Variants in SPPL2A observed in about 807,000 individuals in gnomAD.
SPPL2A encodes the protein signal peptide peptidase like 2A, also known as signal peptide peptidase-like 2A.
SPPL2A carries 51 observed loss-of-function variants against 63.8 expected under a neutral mutation model. That is an observed-to-expected ratio of 0.80 (90% CI 0.64 to 1.01). The LOEUF (loss-of-function observed/expected upper bound fraction) is 1.01, where lower values mean the gene tolerates loss of function less well. Ranked by LOEUF, SPPL2A falls within the 50% of genes least tolerant of loss-of-function variation. The pLI, the probability that SPPL2A is intolerant of heterozygous loss-of-function variation, is 0.00. For missense variants in SPPL2A, 553 were observed against 622.7 expected (o/e 0.89, Z 1.19); for synonymous variants, 188 against 205.8 (o/e 0.91, Z 0.74).
At chr15:50,740,204 G>A (rs957221473) in intron 5 of SPPL2A, among the ~76,000 whole-genome samples, 4 of 151,682 alleles carry the variant, frequency 2.6e-5, no homozygotes, top group East Asian at 3.9e-4. Context: ...TGAGGCGGGC[G>A]GATCATGAGG....
At chr15:50,722,037 C>G in intron 13 of SPPL2A, 87 bp downstream of exon 13, 1 of 757,250 alleles carries the variant, frequency 1.3e-6, no homozygotes, top group Non-Finnish European at 2.3e-6. Flanking sequence ...CATGCCCAAA[C>G]TGTACTCCTT....
At chr15:50,732,527 G>A in intron 9 of SPPL2A, 76 bp downstream of exon 9, 1 of 850,870 alleles carries the variant, frequency 1.2e-6, no homozygotes, top group South Asian at 1.7e-5. Flanking sequence ...GCATTTAATT[G>A]TAGGTAAATT....
intron 14 of SPPL2A, among the ~76,000 whole-genome samples, chr15:50,712,860 A>G (rs1447478331): frequency 6.6e-6 from 1 of 151,530 alleles, no homozygotes; most frequent in Non-Finnish European, 1.5e-5. Flanking sequence ...TAATTTTTGT[A>G]TTTTTAATAG....
At chr15:50,746,069 A>G (rs1596393068) in intron 5 of SPPL2A, among the ~76,000 whole-genome samples, 1 of 151,820 alleles carries the variant, frequency 6.6e-6, no homozygotes, top group East Asian at 1.9e-4. Flanking sequence ...ATATATAAAT[A>G]TATAATTTTT....
Position 50,705,880 on chromosome 15 carries a change from T to TA in SPPL2A, c.*1919dup. 6.6e-6 allele frequency: 1 copy of TA among 152,346 alleles called. No homozygotes were observed. Among genetic ancestry groups the TA allele is most frequent in the Non-Finnish European group, 1.5e-5 (1 of 68,034 alleles). The allele number at this position is 152,346 out of a possible 1,614,324, so 9.4% of individuals were successfully genotyped here. A position where few individuals can be genotyped will look rare whatever the true frequency, so the allele number is the denominator to read the frequency against. ...CTGTTCACATATTTTATACATTATT[T>TA]ACAGAGAAATGAAAAATCCTGCTGC... On this transcript the variant is annotated 3_prime_UTR_variant, in exon 15 of 15. Coordinates refer to ENST00000261854, the MANE Select transcript of SPPL2A (RefSeq NM_032802.4).
intron 1 of SPPL2A, among the ~76,000 whole-genome samples, chr15:50,750,699 G>C (rs2062899053): frequency 6.6e-6 from 1 of 152,218 alleles, no homozygotes; most frequent in Non-Finnish European, 1.5e-5. Flanking sequence ...CCTGGGGGGA[G>C]AGGAGAGTAT....
At chr15:50,748,067 G>C (rs763123958) in intron 4 of SPPL2A, 46 bp downstream of exon 4, 2 of 745,194 alleles carry the variant, frequency 2.7e-6, no homozygotes, top group South Asian at 2.6e-5. Context: ...AAAATAAAGA[G>C]ATACAGTATT....
intron 6 of SPPL2A, 27 bp from the exon 7 acceptor site, chr15:50,736,767 A>C: frequency 8.9e-7 from 1 of 1,117,934 alleles, no homozygotes; most frequent in Non-Finnish European, 1.4e-6. Context: ...ACTAAATTAC[A>C]TGAGAACAGA....
At chr15:50,757,945 C>T (rs1196607870) in intron 1 of SPPL2A, among the ~76,000 whole-genome samples, 1 of 149,112 alleles carries the variant, frequency 6.7e-6, no homozygotes, top group African/African-American at 2.5e-5. Context: ...GATCGAGCCA[C>T]TGCGCTCCAG....
At chr15:50,713,162 A>G (rs2062572935) in intron 14 of SPPL2A, among the ~76,000 whole-genome samples, 1 of 152,174 alleles carries the variant, frequency 6.6e-6, no homozygotes, top group Non-Finnish European at 1.5e-5. Context: ...TGTTGGACAT[A>G]AACAATGAGA....
intron 1 of SPPL2A, among the ~76,000 whole-genome samples, chr15:50,760,214 C>A (rs901743554): frequency 6.6e-6 from 1 of 152,016 alleles, no homozygotes; most frequent in Admixed American, 6.6e-5. Flanking sequence ...TACCTTCTCA[C>A]TGTGTCCTCA....
Position 50,765,579 on chromosome 15 carries a change from ACT to A in SPPL2A, c.-48_-47del, listed in dbSNP as rs1338733826. ...GGGACGGCACGGTGCGGCGCAGCTC[ACT>A]CGGCGGGGTAGGCTCGGAGTCCCGC... is the stretch of plus-strand genomic sequence containing the variant. On this transcript the variant is annotated 5_prime_UTR_variant, in exon 1 of 15. Coordinates refer to ENST00000261854, the MANE Select transcript of SPPL2A (RefSeq NM_032802.4). The A allele has an allele frequency of 1.5e-6, 2 of 1,302,296 alleles. No homozygotes were observed. The highest frequency in any genetic ancestry group is 3.1e-5 in the African/African-American group (2 of 64,604). 80.7% of individuals were successfully genotyped at this position (1,302,296 alleles called of 1,614,324 possible).
chr15:50,728,684 C>T (rs1048244974), intron 10 of SPPL2A, among the ~76,000 whole-genome samples: 1 of 151,936 alleles, frequency 6.6e-6, no homozygotes, highest in African/African-American at 2.4e-5. Context: ...CACTCTGTTG[C>T]CCAGGCTGGA....
At chr15:50,715,505 C>T (rs1884238453) in intron 14 of SPPL2A, among the ~76,000 whole-genome samples, 2 of 146,498 alleles carry the variant, frequency 1.4e-5, no homozygotes, top group South Asian at 4.3e-4. Flanking sequence ...TTTATGTATA[C>T]AACAACTCTA....
chr15:50,735,973 T>C, intron 8 of SPPL2A, 128 bp downstream of exon 8: 1 of 590,068 alleles, frequency 1.7e-6, no homozygotes, highest in Non-Finnish European at 3.0e-6. Flanking sequence ...ATTTAAGAAG[T>C]AGTTCATTAC....
At chr15:50,734,891 T>TTCTC (rs1027042930) in intron 8 of SPPL2A, among the ~76,000 whole-genome samples, 1 of 152,034 alleles carries the variant, frequency 6.6e-6, no homozygotes, top group Non-Finnish European at 1.5e-5. Context: ...ATAGAGTATA[T>TTCTC]TCTCTCTCTC....
In SPPL2A at chr15:50,707,110, A is replaced by G. The variant is rs1335848356; in HGVS notation, c.*690T>C. ...TTAAACAGTTATTTCTACAGAGCAGATATAATTTGCATAAATCTTTTTTTT... is the reference window on the plus strand; with the variant it reads ...TTAAACAGTTATTTCTACAGAGCAGGTATAATTTGCATAAATCTTTTTTTT... On this transcript the variant is annotated 3_prime_UTR_variant, in exon 15 of 15. Coordinates refer to ENST00000261854, the MANE Select transcript of SPPL2A (RefSeq NM_032802.4). 6.6e-6 allele frequency: 1 copy of G among 152,158 alleles called. No homozygotes were observed. The allele number at this position is 152,158 out of a possible 1,614,324, so 9.4% of individuals were successfully genotyped here. A position where few individuals can be genotyped will look rare whatever the true frequency, so the allele number is the denominator to read the frequency against.
chr15:50,713,520 C>G (rs1168831652), intron 14 of SPPL2A, among the ~76,000 whole-genome samples: 1 of 152,044 alleles, frequency 6.6e-6, no homozygotes, highest in African/African-American at 2.4e-5. Flanking sequence ...CCACCTCAGC[C>G]TCCCAAAGTG....
At position 50,704,283 on chromosome 15, in the gene SPPL2A, A is replaced by G. The variant is rs1276540808; in HGVS notation, c.*3517T>C. 1.4e-5 allele frequency: 2 copies of G among 147,730 alleles called. No individual in the cohort carries two copies. The highest frequency in any genetic ancestry group is 3.0e-5 in the Non-Finnish European group (2 of 67,334). The allele number at this position is 147,730 out of a possible 1,614,324, so 9.2% of individuals were successfully genotyped here. A position where few individuals can be genotyped will look rare whatever the true frequency, so the allele number is the denominator to read the frequency against. On this transcript the variant is annotated 3_prime_UTR_variant, in exon 15 of 15. Transcript: ENST00000261854. The stretch of plus-strand genomic sequence containing the variant: ...CTTGAACCCGGGAGTCGGAGATTGC[A>G]GTGAGCTGATATCATGCCATTGCAC...
Sources: allele counts gnomAD v4.1 joint callset (sites outside exome capture counted in the v4.1 genomes callset), GRCh38; gene constraint gnomAD v4.1.1; transcripts MANE v1.5; gene names NCBI Gene and HGNC (gene_info 2026-07-23, HGNC 2026-07-21).